Variants in MBTPS1 observed in about 807,000 individuals in gnomAD.
MBTPS1 encodes the protein membrane bound transcription factor peptidase, site 1.
A neutral mutation model predicts 127.8 loss-of-function variants in MBTPS1; 94 were observed. That is an observed-to-expected ratio of 0.74 (90% CI 0.62 to 0.87). The LOEUF (loss-of-function observed/expected upper bound fraction) is 0.87, where lower values mean the gene tolerates loss of function less well. Among genes scored for constraint, MBTPS1 ranks in the 40% least tolerant of loss-of-function variants. The pLI, the probability that MBTPS1 is intolerant of heterozygous loss-of-function variation, is 0.00. For synonymous variants in MBTPS1, 632 were observed against 509.4 expected (o/e 1.24, Z -3.24); for missense variants, 1,636 against 1,353.2 (o/e 1.21, Z -3.28).
chr16:84,062,923 G>C (rs1307658344), intron 19 of MBTPS1, among the ~76,000 whole-genome samples: 2 of 152,198 alleles, frequency 1.3e-5, no homozygotes, highest in African/African-American at 4.8e-5. Context: ...CCAGAGAAGG[G>C]CGCCCCCTCG....
chr16:84,081,593 C>T (rs931778441), intron 11 of MBTPS1, 154 bp downstream of exon 11: 12 of 477,508 alleles, frequency 2.5e-5, no homozygotes, highest in Admixed American at 4.0e-5. Context: ...CAGCAGCACC[C>T]TGTAGAAGCA....
At chr16:84,114,041 T>G (rs1198495916) in intron 1 of MBTPS1, among the ~76,000 whole-genome samples, 1 of 149,858 alleles carries the variant, frequency 6.7e-6, no homozygotes, top group African/African-American at 2.5e-5. Flanking sequence ...CTCAGCTCAC[T>G]GCAACCTCTG....
intron 3 of MBTPS1, among the ~76,000 whole-genome samples, chr16:84,097,818 T>C (rs1202265326): frequency 2.7e-5 from 4 of 149,948 alleles, no homozygotes; most frequent in East Asian, 3.9e-4. Context: ...GGTTTTACTA[T>C]GAAAATTAAA....
intron 11 of MBTPS1, among the ~76,000 whole-genome samples, chr16:84,077,257 GAGAAA>G (rs957145599): frequency 2.1e-5 from 3 of 145,048 alleles, no homozygotes; most frequent in Non-Finnish European, 3.0e-5. Context: ...AAAAGAGAGA[GAGAAA>G]AGAAAAGAAA....
At chr16:84,072,707 G>A (rs915434315) in intron 12 of MBTPS1, among the ~76,000 whole-genome samples, 3 of 152,058 alleles carry the variant, frequency 2.0e-5, no homozygotes, top group Admixed American at 6.5e-5. Context: ...GGAAAATGGC[G>A]TGAACCCGGG....
intron 1 of MBTPS1, among the ~76,000 whole-genome samples, chr16:84,115,504 T>C (rs2086461875): frequency 6.6e-6 from 1 of 152,232 alleles, no homozygotes; most frequent in Admixed American, 6.5e-5. Context: ...CATAAATGCT[T>C]AAACAAAATG....
In MBTPS1 at chr16:84,067,652, G is replaced by A. The variant is rs774680400; in HGVS notation, c.2228+15C>T. On this transcript the variant is annotated intron_variant, in intron 16 of 22. Transcript: ENST00000343411. ...CCAAAAGTCTTATCCAAATACCAAT[G>A]CGTATCAACAGTACCTTGTGTTTTC... is the stretch of plus-strand genomic sequence containing the variant. The A allele has an allele frequency of 2.5e-6, 4 of 1,584,538 alleles. No individual in the cohort carries two copies. The highest frequency in any genetic ancestry group is 1.7e-4 in the Middle Eastern group (1 of 5,988).
intron 3 of MBTPS1, among the ~76,000 whole-genome samples, chr16:84,097,905 G>A (rs867296924): frequency 6.0e-5 from 9 of 151,070 alleles, no homozygotes; most frequent in Middle Eastern, 3.4e-3. Context: ...AAACCTCAGA[G>A]GCTCTTAGGC....
chr16:84,082,012 T>A, intron 10 of MBTPS1, 104 bp from the exon 11 acceptor site: 1 of 762,784 alleles, frequency 1.3e-6, no homozygotes, highest in Non-Finnish European at 1.8e-6. Context: ...CCTGCAGTCT[T>A]GTTTAGTATC....
At chr16:84,109,475 G>A (rs1048459051) in intron 1 of MBTPS1, 1 of 152,194 alleles carries the variant, frequency 6.6e-6, no homozygotes, top group African/African-American at 2.4e-5. Context: ...GCTCCACCAA[G>A]TTGTCCAAGG....
rs16962855 is a variant in MBTPS1 at position 84,116,899 on chromosome 16, G to A, written c.-489C>T. 30,701 of 152,294 alleles carry A rather than the reference G, an allele frequency of 0.2. 3,517 individuals are homozygous for A. Among genetic ancestry groups the A allele is most frequent in the Non-Finnish European group, 0.26 (17,773 of 68,032 alleles). The allele number at this position is 152,294 out of a possible 1,614,324, so 9.4% of individuals were successfully genotyped here. On this transcript the variant is annotated 5_prime_UTR_variant, in exon 1 of 23. In the 5' UTR this introduces an upstream ATG that the reference lacks. Transcript: ENST00000343411. ...GGAGCCTCAGCTCCGCCGACCCAGC[G>A]TGCCCTGTCTGTCCCGCGCTCCCGG...
Position 84,090,936 on chromosome 16 carries a change from C to A in MBTPS1, c.970G>T (p.Glu324Ter). The A allele has an allele frequency of 6.2e-7, 1 of 1,609,496 alleles. No individual in the cohort carries two copies. The highest frequency in any genetic ancestry group is 8.5e-7 in the Non-Finnish European group (1 of 1,176,400). The change falls in exon 8 of 23, where the codon GAA becomes TAA. Residue 324 changes from glutamate to a stop codon, truncating the protein, a stop_gained. Coordinates refer to ENST00000343411, the MANE Select transcript of MBTPS1 (RefSeq NM_003791.4). LOFTEE classifies it high-confidence loss of function. ...MDHPFVDKVW[E>*]LTANNVIMVS... Reference sequence around the variant, plus strand: ...ATGATTACATTGTTAGCTGTTAATTCCCACACCTACAAAAGGAGCATTTAT... The same window carrying A: ...ATGATTACATTGTTAGCTGTTAATTACCACACCTACAAAAGGAGCATTTAT...
Position 84,099,064 on chromosome 16 carries a change from T to C in MBTPS1, c.410A>G (p.Lys137Arg), listed in dbSNP as rs531896878. The change falls in exon 3 of 23, where the codon AAG becomes AGG. Residue 137 changes from lysine to arginine, a missense_variant. By Grantham distance (26) the Lys-to-Arg change is conservative. Coordinates refer to ENST00000343411, the MANE Select transcript of MBTPS1 (RefSeq NM_003791.4). Reference protein sequence around the residue: ...TPQRKVFRSLKYAESDPTVPC... With the variant: ...TPQRKVFRSLRYAESDPTVPC... ...GTCACAATACTCACATTCAGCATAC[T>C]TGAGGGAACGAAAGACTTTTCGTTG... 1 of 1,614,084 alleles carries C rather than the reference T, an allele frequency of 6.2e-7. No homozygotes were observed. The highest frequency in any genetic ancestry group is 8.5e-7 in the Non-Finnish European group (1 of 1,179,996).
At chr16:84,088,120 G>A (rs1354517695) in intron 8 of MBTPS1, among the ~76,000 whole-genome samples, 3 of 152,018 alleles carry the variant, frequency 2.0e-5, no homozygotes, top group African/African-American at 4.8e-5. Flanking sequence ...TGTGTAAACC[G>A]TAAAGTCAAG....
intron 8 of MBTPS1, among the ~76,000 whole-genome samples, 173 bp from the exon 9 acceptor site, chr16:84,087,633 T>C (rs900557237): frequency 6.6e-6 from 1 of 152,168 alleles, no homozygotes; most frequent in Non-Finnish European, 1.5e-5. Flanking sequence ...GTGAAACGCA[T>C]GATCCTGCCA....
chr16:84,097,627 G>A (rs1200267668), intron 3 of MBTPS1, among the ~76,000 whole-genome samples: 1 of 152,172 alleles, frequency 6.6e-6, no homozygotes, highest in Non-Finnish European at 1.5e-5. Context: ...GATAACTGAA[G>A]TAAAAAATAA....
chr16:84,089,070 G>A (rs185682786), intron 8 of MBTPS1, among the ~76,000 whole-genome samples: 8 of 152,364 alleles, frequency 5.3e-5, no homozygotes, highest in Admixed American at 1.3e-4. Flanking sequence ...AAAACAGTCC[G>A]AACAGCATGC....
chr16:84,057,807 G>A (rs1597298975), intron 21 of MBTPS1: 2 of 152,358 alleles, frequency 1.3e-5, no homozygotes, highest in South Asian at 4.1e-4. Context: ...AATTCCAGGA[G>A]CTGTCCATTA....
chr16:84,099,812 A>C (rs900124412), intron 2 of MBTPS1, among the ~76,000 whole-genome samples: 14 of 152,058 alleles, frequency 9.2e-5, no homozygotes, highest in African/African-American at 3.4e-4. Flanking sequence ...GAATCACCTA[A>C]CCACAAAGAA....
Sources: gnomAD v4.1 joint callset for allele counts (sites outside exome capture counted in the v4.1 genomes callset) on GRCh38, gnomAD v4.1.1 for gene constraint, MANE v1.5 for transcripts, NCBI Gene and HGNC (gene_info 2026-07-23, HGNC 2026-07-21) for gene names.